Variants in TACR3 observed in about 807,000 individuals in gnomAD.
TACR3 encodes neuromedin-K receptor.
A neutral mutation model predicts 35.0 loss-of-function variants in TACR3; 34 were observed. That is an observed-to-expected ratio of 0.97 (90% CI 0.74 to 1.30). The LOEUF (loss-of-function observed/expected upper bound fraction) is 1.30. Ranked by LOEUF, TACR3 falls within the 50% of genes most tolerant of loss-of-function variation. The probability of loss-of-function intolerance (pLI) is 0.00; values close to 1 mark genes in which losing one functional copy is unlikely to be tolerated. For missense variants in TACR3, 558 were observed against 591.7 expected (o/e 0.94, Z 0.59); for synonymous variants, 233 against 221.1 (o/e 1.05, Z -0.48).
At chr4:103,601,385 AT>A (rs1195072526) in intron 3 of TACR3, among the ~76,000 whole-genome samples, 1 of 152,152 alleles carries the variant, frequency 6.6e-6, no homozygotes, top group African/African-American at 2.4e-5. Context: ...GCCCATTTAC[AT>A]TTAAAGTTAA....
intron 1 of TACR3, among the ~76,000 whole-genome samples, chr4:103,702,841 A>T (rs575339687): frequency 1.4e-5 from 2 of 145,828 alleles, no homozygotes; most frequent in South Asian, 4.4e-4. Context: ...CATAGGTGGG[A>T]ATTGAACAAT....
chr4:103,629,952 A>C (rs1250175499), intron 3 of TACR3, among the ~76,000 whole-genome samples: 2 of 152,084 alleles, frequency 1.3e-5, no homozygotes, highest in African/African-American at 2.4e-5. Flanking sequence ...CTACAAGGCT[A>C]CCATAGCCAA....
chr4:103,593,003 A>G (rs1249569985), intron 3 of TACR3, among the ~76,000 whole-genome samples: 1 of 152,200 alleles, frequency 6.6e-6, no homozygotes, highest in Non-Finnish European at 1.5e-5. Context: ...TGGCCACATC[A>G]CATAATATCT....
rs188559532 is a variant in TACR3, at chr4:103,590,024, A to G, written c.1086-30T>C. The G allele has an allele frequency of 4.2e-4, 680 of 1,603,630 alleles. 5 individuals are homozygous for G. In the African/African-American group the frequency reaches 8.5e-3, roughly 20 times the overall value. Reference sequence around the variant, plus strand: ...GGAAAAGCAGGCCACAGAAAGAAAAAGTTATTTTTTCAAGCAGATATGTCT... The same window carrying G: ...GGAAAAGCAGGCCACAGAAAGAAAAGGTTATTTTTTCAAGCAGATATGTCT... On this transcript the variant is annotated intron_variant, in intron 4 of 4. Transcript: ENST00000304883.
At chr4:103,626,712 G>C (rs754943840) in intron 3 of TACR3, among the ~76,000 whole-genome samples, 8 of 152,120 alleles carry the variant, frequency 5.3e-5, no homozygotes, top group Non-Finnish European at 1.0e-4. Flanking sequence ...CAGGCATTGT[G>C]TTTGTTGTTG....
At chr4:103,612,136 T>A (rs1724526571) in intron 3 of TACR3, among the ~76,000 whole-genome samples, 1 of 152,196 alleles carries the variant, frequency 6.6e-6, no homozygotes, top group African/African-American at 2.4e-5. Flanking sequence ...CTGTTATATT[T>A]TGCTGCCGTG....
chr4:103,593,144 C>T (rs1723929738), intron 3 of TACR3: 1 of 152,070 alleles, frequency 6.6e-6, no homozygotes, highest in African/African-American at 2.4e-5. Context: ...ATTTAATTTA[C>T]ATTTATGCAA....
rs560568787 is a variant in TACR3 at position 103,599,884 on chromosome 4, A to G, written c.889-8201T>C. Among the ~76,000 whole-genome samples the G allele has an allele frequency of 4.6e-5, 7 of 152,204 alleles. No individual in the cohort carries two copies. The South Asian group carries it at 1.0e-3, about 23-fold the overall frequency. On this transcript the variant is annotated intron_variant, in intron 3 of 4. Transcript: ENST00000304883. Reference sequence around the variant, plus strand: ...GTATTTTATTGAGGATTTTTGCATCAATGTTCATCAAGGATATTGGTCTAA... The same window carrying G: ...GTATTTTATTGAGGATTTTTGCATCGATGTTCATCAAGGATATTGGTCTAA...
At chr4:103,635,858 T>G (rs947134700) in intron 3 of TACR3, among the ~76,000 whole-genome samples, 11 of 151,984 alleles carry the variant, frequency 7.2e-5, no homozygotes, top group Admixed American at 6.6e-4. Context: ...AGTACCAGTC[T>G]AGCAACCAGC....
At chr4:103,648,276 G>T (rs1243960400) in intron 3 of TACR3, among the ~76,000 whole-genome samples, 3 of 151,932 alleles carry the variant, frequency 2.0e-5, no homozygotes, top group African/African-American at 7.3e-5. Flanking sequence ...TTTATCTTTT[G>T]CATTACAAAC....
At chr4:103,617,743 ACAAG>A (rs948532524) in intron 3 of TACR3, among the ~76,000 whole-genome samples, 22 of 152,310 alleles carry the variant, frequency 1.4e-4, no homozygotes, top group East Asian at 7.7e-4. Context: ...TTTAAGAAAA[ACAAG>A]CAAGAAAATG....
intron 3 of TACR3, among the ~76,000 whole-genome samples, chr4:103,618,590 T>TG (rs1724709717): frequency 1.8e-5 from 2 of 109,766 alleles, no homozygotes; most frequent in African/African-American, 3.4e-5. Flanking sequence ...TTTTTTTTTT[T>TG]TGTTCCATAT....
At chr4:103,657,237 G>A (rs908849654) in intron 2 of TACR3, among the ~76,000 whole-genome samples, 2 of 151,416 alleles carry the variant, frequency 1.3e-5, no homozygotes, top group Admixed American at 6.6e-5. Context: ...GTTTTGTTTT[G>A]TTTTTTGTAA....
chr4:103,637,938 G>A (rs1017554955), intron 3 of TACR3, among the ~76,000 whole-genome samples: 5 of 149,414 alleles, frequency 3.3e-5, no homozygotes, highest in Middle Eastern at 3.4e-3. Flanking sequence ...GAAATAAAAG[G>A]GGGATACAAA....
chr4:103,591,427 G>A, intron 4 of TACR3, 60 bp downstream of exon 4: 1 of 1,581,542 alleles, frequency 6.3e-7, no homozygotes. Flanking sequence ...GAACAACATT[G>A]TATGTTTCCA....
At position 103,672,600 on chromosome 4, in the gene TACR3, C is replaced by A. The variant is rs570667244; in HGVS notation, c.549-14197G>T. ...ACCATGCCATGAACAAATGTGTCAT[C>A]ATCCATGCTGTGTTGTTCATTTTAT... On this transcript the variant is annotated intron_variant, in intron 1 of 4. Transcript: ENST00000304883. Among the ~76,000 whole-genome samples the A allele has an allele frequency of 1.1e-4, 17 of 152,306 alleles. No individual in the cohort carries two copies. The South Asian group carries it at 2.3e-3, about 20-fold the overall frequency.
intron 1 of TACR3, among the ~76,000 whole-genome samples, chr4:103,667,967 C>T (rs914587714): frequency 5.9e-5 from 9 of 151,860 alleles, no homozygotes; most frequent in African/African-American, 2.2e-4. Flanking sequence ...TAGCTGGGAC[C>T]AGAGGTGTGC....
At chr4:103,712,920 A>G (rs1410078787) in intron 1 of TACR3, among the ~76,000 whole-genome samples, 2 of 152,202 alleles carry the variant, frequency 1.3e-5, no homozygotes, top group Non-Finnish European at 2.9e-5. Context: ...CAAAACCACA[A>G]TGACATACCA....
intron 3 of TACR3, among the ~76,000 whole-genome samples, chr4:103,649,018 T>G (rs1725524370): frequency 6.6e-6 from 1 of 152,168 alleles, no homozygotes; most frequent in Admixed American, 6.6e-5. Context: ...AGTTTGGAAT[T>G]GCACTTCTTT....
Sources: allele counts gnomAD v4.1 joint callset (sites outside exome capture counted in the v4.1 genomes callset), GRCh38; gene constraint gnomAD v4.1.1; transcripts MANE v1.5; gene names NCBI Gene and HGNC (gene_info 2026-07-23, HGNC 2026-07-21).